ABCC9: variants seen among roughly 807,000 people sequenced by gnomAD.
ABCC9 encodes the protein ATP binding cassette subfamily C member 9, also known as ATP-binding cassette sub-family C member 9.
Under a neutral mutation model 188.3 loss-of-function variants are expected in ABCC9, and 95 were observed. That is an observed-to-expected ratio of 0.50 (90% confidence interval 0.43 to 0.60). ABCC9 has a LOEUF of 0.60. Among genes scored for constraint, ABCC9 ranks in the 20% least tolerant of loss-of-function variants. ABCC9 has a pLI of 0.00. For synonymous variants in ABCC9, 659 were observed against 652.7 expected, an observed-to-expected ratio of 1.01 and a Z score of -0.15; for missense variants, 1,102 against 1,876.3, an observed-to-expected ratio of 0.59 and a Z score of 7.62.
chr12:21,875,102 A>G (rs1946276391), intron 17 of ABCC9, among the ~76,000 whole-genome samples: 1 of 152,234 alleles, frequency 6.6e-6, no homozygotes, highest in East Asian at 1.9e-4. Flanking sequence ...GAAGAACACA[A>G]GGAAATTTTT....
intron 18 of ABCC9, among the ~76,000 whole-genome samples, chr12:21,871,301 A>G (rs1946061613): frequency 6.6e-6 from 1 of 152,174 alleles, no homozygotes; most frequent in South Asian, 2.1e-4. Flanking sequence ...GTCTAGTGCC[A>G]TGAAGCAAAC....
At chr12:21,825,252 A>G (rs1943300751) in intron 31 of ABCC9, among the ~76,000 whole-genome samples, 1 of 152,232 alleles carries the variant, frequency 6.6e-6, no homozygotes, top group East Asian at 1.9e-4. Context: ...TCAAGGATCT[A>G]GAACCAGAAA....
At chr12:21,908,472 TGTC>T (rs1948147294) in intron 10 of ABCC9, among the ~76,000 whole-genome samples, 1 of 152,020 alleles carries the variant, frequency 6.6e-6, no homozygotes, top group African/African-American at 2.4e-5. Flanking sequence ...GTACAACTGA[TGTC>T]AAACCAATGT....
chr12:21,814,819 CTG>C, intron 34 of ABCC9, 97 bp from the exon 35 acceptor site: 2 of 918,734 alleles, frequency 2.2e-6, no homozygotes, highest in Admixed American at 1.8e-5. Context: ...TATGATAAAA[CTG>C]TAATTATGTT....
intron 29 of ABCC9, among the ~76,000 whole-genome samples, chr12:21,840,658 A>G (rs1442072833): frequency 1.3e-5 from 2 of 152,212 alleles, no homozygotes; most frequent in African/African-American, 4.8e-5. Flanking sequence ...TCTTTGCCCC[A>G]CCAGCAAGTA....
chr12:21,817,979 C>G (rs1261136118), intron 32 of ABCC9, among the ~76,000 whole-genome samples, 171 bp downstream of exon 32: 1 of 151,952 alleles, frequency 6.6e-6, no homozygotes, highest in Non-Finnish European at 1.5e-5. Flanking sequence ...TTTGCTGCAC[C>G]TATTGACCCA....
chr12:21,879,842 T>C (rs1421051164), intron 16 of ABCC9, among the ~76,000 whole-genome samples: 3 of 151,408 alleles, frequency 2.0e-5, no homozygotes, highest in African/African-American at 4.9e-5. Context: ...GGTCCAAGTA[T>C]AGCTAAGAAG....
chr12:21,811,915 G>T (rs140568728), intron 36 of ABCC9, 134 bp downstream of exon 36: 80 of 690,364 alleles, frequency 1.2e-4, no homozygotes, highest in African/African-American at 4.3e-4. Context: ...AATCCAAATT[G>T]TTGGATGGTA....
chr12:21,817,885 T>C (rs1942750908), intron 32 of ABCC9, among the ~76,000 whole-genome samples: 1 of 152,126 alleles, frequency 6.6e-6, no homozygotes, highest in Admixed American at 6.6e-5. Flanking sequence ...AATGAGATTT[T>C]TTTCCCTTTA....
At chr12:21,828,597 C>T in intron 31 of ABCC9, 1 of 313,072 alleles carries the variant, frequency 3.2e-6, no homozygotes, top group South Asian at 2.9e-5. Flanking sequence ...AGTTGCCATC[C>T]TTCCAGGCAG....
At chr12:21,908,035 T>C in intron 11 of ABCC9, 42 bp downstream of exon 11, 1 of 1,597,650 alleles carries the variant, frequency 6.3e-7, no homozygotes, top group Non-Finnish European at 8.6e-7. Flanking sequence ...TAAAACAGCA[T>C]TTCTCATTTT....
chr12:21,859,363 C>A (rs1333313448), intron 22 of ABCC9, among the ~76,000 whole-genome samples: 1 of 152,140 alleles, frequency 6.6e-6, no homozygotes, highest in Admixed American at 6.6e-5. Context: ...CTTAGGGCAT[C>A]TAAGTCTCTT....
intron 11 of ABCC9, 69 bp downstream of exon 11, chr12:21,908,008 T>G: frequency 6.7e-7 from 1 of 1,502,848 alleles, no homozygotes; most frequent in African/African-American, 1.4e-5. Context: ...ATGTATTAAT[T>G]TCCTATATTA....
chr12:21,813,016 A>T (rs1431803480), intron 35 of ABCC9, among the ~76,000 whole-genome samples: 1 of 152,082 alleles, frequency 6.6e-6, no homozygotes, highest in Non-Finnish European at 1.5e-5. Context: ...TATTCCCTTT[A>T]TCCTCCTCAC....
At chr12:21,838,966 A>G (rs12825295) in intron 29 of ABCC9, among the ~76,000 whole-genome samples, 43,940 of 151,998 alleles carry the variant, frequency 0.29, 7,585 homozygotes, top group Middle Eastern at 0.46. Flanking sequence ...GCAGAGGTTG[A>G]AGTGAGCTAA....
chr12:21,848,943 T>C (rs904729863), intron 24 of ABCC9, among the ~76,000 whole-genome samples: 2 of 152,146 alleles, frequency 1.3e-5, no homozygotes, highest in African/African-American at 2.4e-5. Context: ...TTAAGAAGGG[T>C]AGAATCATTT....
chr12:21,859,516 A>T, intron 22 of ABCC9, 70 bp downstream of exon 22: 2 of 1,452,626 alleles, frequency 1.4e-6, no homozygotes, highest in South Asian at 2.3e-5. Flanking sequence ...CTTGACTTAC[A>T]CCTTTTTAAA....
At chr12:21,821,408 AATT>A (rs1943030260) in intron 31 of ABCC9, among the ~76,000 whole-genome samples, 2 of 151,946 alleles carry the variant, frequency 1.3e-5, no homozygotes, top group South Asian at 4.1e-4. Context: ...TTCAGTTCCA[AATT>A]ATTATATATA....
chr12:21,852,370 A>G lies in ABCC9; in HGVS notation c.2641T>C (p.Trp881Arg), dbSNP rs752158447. ...HKLQYLTHADWIIAMKDGSVL... is the reference protein window; with the variant it reads ...HKLQYLTHADRIIAMKDGSVL... ...AAAATTCTCTTCTAAACTCTTACCC[A>G]GTCAGCATGCGTCAGATACTGTAAT... Residue 881 changes from tryptophan to arginine, a missense_variant and splice_region_variant, in exon 23 of 40, where the codon TGG becomes CGG. Around this residue, in one of 12 missense-constraint regions of ABCC9, gnomAD observed 131 missense variants for 170.2 expected, o/e 0.77. Coordinates refer to ENST00000261200, the MANE Select transcript of ABCC9 (RefSeq NM_020297.4). 5 of 1,613,986 alleles carry G rather than the reference A, an allele frequency of 3.1e-6. No homozygotes were observed. Among genetic ancestry groups the G allele is most frequent in the Non-Finnish European group, 4.2e-6 (5 of 1,179,990 alleles).
Sources: gnomAD v4.1 joint callset for allele counts (sites outside exome capture counted in the v4.1 genomes callset) on GRCh38, gnomAD v4.1.1 for gene constraint, gnomAD v4.1.1 regional missense constraint, MANE v1.5 for transcripts, NCBI Gene and HGNC (gene_info 2026-07-23, HGNC 2026-07-21) for gene names.